Variants in KLHL1 observed in about 807,000 individuals in gnomAD.
KLHL1 encodes the protein kelch-like protein 1.
Under a neutral mutation model 77.7 loss-of-function variants are expected in KLHL1, and 47 were observed. The observed-to-expected ratio is 0.60, with a 90% CI of 0.48 to 0.77. The LOEUF is 0.77. Ranked by LOEUF, KLHL1 falls within the 30% of genes least tolerant of loss-of-function variation. The pLI is 0.00. For synonymous variants in KLHL1, 360 were observed against 325.2 expected (o/e 1.11, Z -1.15); for missense variants, 925 against 910.8 (o/e 1.02, Z -0.20).
At chr13:69,839,418 A>T (rs1430863045) in intron 5 of KLHL1, among the ~76,000 whole-genome samples, 1 of 151,902 alleles carries the variant, frequency 6.6e-6, no homozygotes, top group African/African-American at 2.4e-5. Flanking sequence ...ACTTATAGTG[A>T]TCAGCTTTTC....
At chr13:70,009,925 A>C (rs1023633851) in intron 1 of KLHL1, among the ~76,000 whole-genome samples, 4 of 152,124 alleles carry the variant, frequency 2.6e-5, no homozygotes, top group African/African-American at 9.7e-5. Context: ...ATCTGGATGA[A>C]AGAGAGAAGA....
At chr13:69,720,462 GA>G (rs1016194295) in intron 8 of KLHL1, among the ~76,000 whole-genome samples, 1 of 151,568 alleles carries the variant, frequency 6.6e-6, no homozygotes, top group Non-Finnish European at 1.5e-5. Context: ...AACAAAACAG[GA>G]AAAAAAATCC....
chr13:69,998,096 C>T (rs1031428733), intron 1 of KLHL1, among the ~76,000 whole-genome samples: 1 of 152,054 alleles, frequency 6.6e-6, no homozygotes, highest in Non-Finnish European at 1.5e-5. Context: ...AGGTCCTTTA[C>T]TGAAGACATT....
chr13:70,070,476 A>G (rs1887113155), intron 1 of KLHL1, among the ~76,000 whole-genome samples: 1 of 152,074 alleles, frequency 6.6e-6, no homozygotes, highest in African/African-American at 2.4e-5. Context: ...TAAAAGACAG[A>G]AAGAAAAACC....
At chr13:69,910,999 G>A (rs1226230331) in intron 4 of KLHL1, among the ~76,000 whole-genome samples, 1 of 152,042 alleles carries the variant, frequency 6.6e-6, no homozygotes, top group Non-Finnish European at 1.5e-5. Context: ...TATCAGCAAT[G>A]CAAATACTTT....
intron 4 of KLHL1, among the ~76,000 whole-genome samples, chr13:69,889,668 T>C (rs1205953390): frequency 1.3e-5 from 2 of 152,002 alleles, no homozygotes; most frequent in Non-Finnish European, 2.9e-5. Flanking sequence ...GTGATTTAAT[T>C]TGGAGAGTTG....
At chr13:70,039,413 G>T (rs1886318651) in intron 1 of KLHL1, among the ~76,000 whole-genome samples, 1 of 151,870 alleles carries the variant, frequency 6.6e-6, no homozygotes, top group Non-Finnish European at 1.5e-5. Flanking sequence ...TTGACTTTTT[G>T]TTTATGATTG....
At chr13:70,003,995 C>T (rs943054675) in intron 1 of KLHL1, among the ~76,000 whole-genome samples, 1 of 151,690 alleles carries the variant, frequency 6.6e-6, no homozygotes, top group African/African-American at 2.4e-5. Context: ...TTTGTATGAA[C>T]TCATCTTTAG....
intron 6 of KLHL1, among the ~76,000 whole-genome samples, chr13:69,836,586 T>C (rs1878999794): frequency 1.3e-5 from 2 of 152,046 alleles, no homozygotes; most frequent in African/African-American, 4.8e-5. Context: ...CCAATTCTTG[T>C]TTGGAAGAAG....
intron 7 of KLHL1, among the ~76,000 whole-genome samples, chr13:69,783,395 C>G (rs1876335108): frequency 6.6e-6 from 1 of 152,076 alleles, no homozygotes; most frequent in African/African-American, 2.4e-5. Flanking sequence ...GGAGGAAATT[C>G]AAACCAATGG....
intron 1 of KLHL1, among the ~76,000 whole-genome samples, chr13:70,034,710 G>A (rs781022276): frequency 1.3e-5 from 2 of 152,076 alleles, no homozygotes; most frequent in East Asian, 1.9e-4. Flanking sequence ...AGGGAAAGTC[G>A]CAATCATTTA....
chr13:69,732,175 A>AT (rs1043775495), intron 8 of KLHL1, among the ~76,000 whole-genome samples: 20 of 152,198 alleles, frequency 1.3e-4, no homozygotes, highest in African/African-American at 4.8e-4. Flanking sequence ...GAATTCATGT[A>AT]TTTTTTTAAC....
intron 8 of KLHL1, among the ~76,000 whole-genome samples, chr13:69,720,462 G>GA (rs1016194295): frequency 1.9e-4 from 29 of 151,568 alleles, no homozygotes; most frequent in Admixed American, 5.3e-4. Context: ...AACAAAACAG[G>GA]AAAAAAAATC....
chr13:69,771,783 G>A (rs1875579906), intron 7 of KLHL1, among the ~76,000 whole-genome samples: 1 of 152,070 alleles, frequency 6.6e-6, no homozygotes, highest in South Asian at 2.1e-4. Context: ...TCTATTTAAT[G>A]ACGATAATGG....
intron 1 of KLHL1, among the ~76,000 whole-genome samples, chr13:70,001,056 G>A (rs914925704): frequency 1.3e-5 from 2 of 151,082 alleles, no homozygotes; most frequent in African/African-American, 2.4e-5. Flanking sequence ...TAAAGAAATG[G>A]TATATGTATT....
intron 1 of KLHL1, among the ~76,000 whole-genome samples, chr13:70,066,032 G>A (rs1424685465): frequency 6.6e-6 from 1 of 152,136 alleles, no homozygotes; most frequent in South Asian, 2.1e-4. Context: ...CTATCAATTT[G>A]CTCAGACAAA....
chr13:69,930,893 G>A lies in KLHL1; in HGVS notation c.1014+9147C>T, dbSNP rs145849497. Among the ~76,000 whole-genome samples, 46 of 151,578 alleles carry A rather than the reference G, an allele frequency of 3.0e-4. 1 individual carries two copies. The highest frequency in any genetic ancestry group is 1.0e-3 in the South Asian group (5 of 4,818). ...TGTATGTAAATTTATGCATATATGC[G>A]TTAATCAGTGACTACATATAAAAAG... On this transcript the variant is annotated intron_variant, in intron 4 of 10. Transcript: ENST00000377844.
intron 7 of KLHL1, among the ~76,000 whole-genome samples, chr13:69,779,497 C>T (rs1002145977): frequency 6.7e-6 from 1 of 149,998 alleles, no homozygotes; most frequent in African/African-American, 2.5e-5. Context: ...CTTTTCCCTT[C>T]TTTCCTGTCC....
intron 1 of KLHL1, among the ~76,000 whole-genome samples, chr13:69,998,812 G>A (rs557414999): frequency 6.6e-6 from 1 of 152,098 alleles, no homozygotes; most frequent in African/African-American, 2.4e-5. Context: ...TAGTCTGAAG[G>A]CTCAACTGCA....
Sources: allele counts gnomAD v4.1 joint callset (sites outside exome capture counted in the v4.1 genomes callset), GRCh38; gene constraint gnomAD v4.1.1; transcripts MANE v1.5; gene names NCBI Gene and HGNC (gene_info 2026-07-23, HGNC 2026-07-21).